Variants in UVRAG observed in about 807,000 individuals in gnomAD.
The protein encoded by UVRAG is UV radiation resistance-associated gene protein.
Under a neutral mutation model 78.0 loss-of-function variants are expected in UVRAG, and 19 were observed. The ratio of observed to expected loss-of-function variants is 0.24; its 90% CI spans 0.17 to 0.36. The LOEUF (loss-of-function observed/expected upper bound fraction) is 0.36. Ranked by LOEUF, UVRAG falls within the 10% of genes least tolerant of loss-of-function variation. The probability of loss-of-function intolerance (pLI) is 1.00; values close to 1 mark genes in which losing one functional copy is unlikely to be tolerated. For synonymous variants in UVRAG, 323 were observed against 324.6 expected, an observed-to-expected ratio of 1.00 and a Z score of 0.05; for missense variants, 740 against 853.8, an observed-to-expected ratio of 0.87 and a Z score of 1.66.
At chr11:75,936,050 C>G (rs1189936488) in intron 6 of UVRAG, among the ~76,000 whole-genome samples, 2 of 152,136 alleles carry the variant, frequency 1.3e-5, no homozygotes, top group Non-Finnish European at 2.9e-5. Flanking sequence ...TAATGTTTAT[C>G]AATTTTGGTT....
At chr11:76,094,337 T>C (rs1248342350) in intron 13 of UVRAG, among the ~76,000 whole-genome samples, 1 of 152,218 alleles carries the variant, frequency 6.6e-6, no homozygotes, top group African/African-American at 2.4e-5. Flanking sequence ...GTTGACTCTC[T>C]GCCAGGCTTT....
At chr11:76,111,993 A>AGGAGGAG (rs1157572781) in intron 13 of UVRAG, among the ~76,000 whole-genome samples, 1 of 151,922 alleles carries the variant, frequency 6.6e-6, no homozygotes, top group Non-Finnish European at 1.5e-5. Flanking sequence ...ATGAAGAAGG[A>AGGAGGAG]GGAGGAGGCA....
chr11:75,931,424 G>C (rs568948082), intron 6 of UVRAG, among the ~76,000 whole-genome samples: 1 of 152,246 alleles, frequency 6.6e-6, no homozygotes, highest in East Asian at 1.9e-4. Flanking sequence ...CCCCAAGGTA[G>C]TCATGGGAAA....
At position 76,065,720 on chromosome 11, in the gene UVRAG, T is replaced by C; in HGVS notation, c.1237T>C (p.Tyr413His). 1 of 1,613,896 alleles carries C rather than the reference T, an allele frequency of 6.2e-7. No homozygotes were observed. Among genetic ancestry groups the C allele is most frequent in the Non-Finnish European group, 8.5e-7 (1 of 1,179,924 alleles). Reference protein sequence around the residue: ...LTEKEREFPLYPKGGEKLQFD... With the variant: ...LTEKEREFPLHPKGGEKLQFD... ...TTTTACCTTTCTTAGGTTTCCACTG[T>C]ATCCAAAAGGAGGGGAGAAGTTGCA... Residue 413 changes from tyrosine (Y) to histidine (H), a missense_variant, in exon 13 of 15, where the codon TAT becomes CAT. Coordinates refer to ENST00000356136, the MANE Select transcript of UVRAG (RefSeq NM_003369.4).
At chr11:76,030,853 C>G (rs1950423638) in intron 12 of UVRAG, among the ~76,000 whole-genome samples, 1 of 152,088 alleles carries the variant, frequency 6.6e-6, no homozygotes, top group Non-Finnish European at 1.5e-5. Flanking sequence ...TATATAGTAT[C>G]ACAGAAATGA....
Position 76,141,526 on chromosome 11 carries a change from T to G in UVRAG, c.*113T>G. On this transcript the variant is annotated 3_prime_UTR_variant, in exon 15 of 15. Coordinates refer to ENST00000356136, the MANE Select transcript of UVRAG (RefSeq NM_003369.4). ...ACAAAATGAATATTAATGGAGGATATTCCTCGGAAAAACAGACTTTGGGAA... is the reference window on the plus strand; with the variant it reads ...ACAAAATGAATATTAATGGAGGATAGTCCTCGGAAAAACAGACTTTGGGAA... 9.2e-7 allele frequency: 1 copy of G among 1,088,158 alleles called. No individual in the cohort carries two copies. The highest frequency in any genetic ancestry group is 1.3e-6 in the Non-Finnish European group (1 of 775,378). 67.4% of individuals were successfully genotyped at this position (1,088,158 alleles called of 1,614,324 possible).
At chr11:75,815,857 C>T (rs73489913) in intron 1 of UVRAG, among the ~76,000 whole-genome samples, 3,443 of 152,258 alleles carry the variant, frequency 0.023, 142 homozygotes, top group African/African-American at 0.079. Context: ...GACCCTCTCC[C>T]TCGTTCCGCC....
chr11:76,021,416 T>C (rs1021206025), intron 12 of UVRAG, among the ~76,000 whole-genome samples: 2 of 152,212 alleles, frequency 1.3e-5, no homozygotes, highest in Non-Finnish European at 2.9e-5. Context: ...TTCTTCTTTT[T>C]CATAGTCATT....
intron 7 of UVRAG, chr11:75,979,668 C>G (rs1949345979): frequency 6.5e-6 from 1 of 152,800 alleles, no homozygotes; most frequent in African/African-American, 2.4e-5. Context: ...GCGTGGGACC[C>G]TCTGAGCCAG....
In UVRAG at chr11:75,880,046, T is replaced by A. The variant is rs772255785; in HGVS notation, c.432+6T>A. 2 of 1,613,694 alleles carry A rather than the reference T, an allele frequency of 1.2e-6. No homozygotes were observed. On this transcript the variant is annotated splice_donor_region_variant and intron_variant, in intron 4 of 14. Coordinates refer to ENST00000356136, the MANE Select transcript of UVRAG (RefSeq NM_003369.4). ...TGAAATACTTGGGTCAGCAGGTAAT[T>A]TTTAGACTGTAGTTTCAAGTAGTTG...
intron 13 of UVRAG, among the ~76,000 whole-genome samples, chr11:76,076,802 G>GTATTTATTTATT (rs140240744): frequency 0.084 from 12,416 of 147,554 alleles, 891 homozygotes; most frequent in East Asian, 0.19. Context: ...AAATTAGGTT[G>GTATTTATTTATT]TATTTATTTA....
intron 1 of UVRAG, among the ~76,000 whole-genome samples, chr11:75,836,115 A>G (rs1022838535): frequency 6.6e-6 from 1 of 151,888 alleles, no homozygotes; most frequent in Non-Finnish European, 1.5e-5. Context: ...AAAACAAAAA[A>G]ACCCACCTTC....
intron 14 of UVRAG, among the ~76,000 whole-genome samples, chr11:76,126,507 GCA>G (rs1952397951): frequency 6.6e-6 from 1 of 152,212 alleles, no homozygotes; most frequent in Non-Finnish European, 1.5e-5. Flanking sequence ...ATGGTGGACA[GCA>G]CAGTCCTTAC....
chr11:76,077,778 C>G (rs1951429898), intron 13 of UVRAG, among the ~76,000 whole-genome samples: 1 of 152,162 alleles, frequency 6.6e-6, no homozygotes, highest in Non-Finnish European at 1.5e-5. Context: ...TTCCTTTTGT[C>G]AGACAGGAAG....
intron 3 of UVRAG, among the ~76,000 whole-genome samples, chr11:75,873,395 AT>A (rs1259715101): frequency 6.6e-6 from 1 of 151,778 alleles, no homozygotes; most frequent in Non-Finnish European, 1.5e-5. Context: ...AGGTTACTGT[AT>A]TATCTACTTG....
At chr11:76,006,000 T>C (rs1473048532) in intron 9 of UVRAG, among the ~76,000 whole-genome samples, 1 of 131,610 alleles carries the variant, frequency 7.6e-6, no homozygotes, top group Non-Finnish European at 1.5e-5. Flanking sequence ...TCTCCAGCCC[T>C]CTTCTCAGAG....
At chr11:76,082,539 CAA>C (rs5792708) in intron 13 of UVRAG, among the ~76,000 whole-genome samples, 7 of 101,686 alleles carry the variant, frequency 6.9e-5, no homozygotes, top group South Asian at 7.2e-4. Context: ...GACTCCGTCC[CAA>C]AAAAAAAAAA....
At position 75,852,134 on chromosome 11, in the gene UVRAG, C is replaced by T. The variant is rs534149081; in HGVS notation, c.235+134C>T. 9.2e-4 allele frequency: 549 copies of T among 597,184 alleles called. 6 individuals are homozygous for T. In the Middle Eastern group the frequency reaches 9.5e-3, roughly 10 times the overall value. 37.0% of individuals were successfully genotyped at this position (597,184 alleles called of 1,614,324 possible). ...ATTGTTATGCTGTCTGAAAATATCT[C>T]ATGAGCAGTTGGGATGTATACTAAA... On this transcript the variant is annotated intron_variant, in intron 2 of 14. Coordinates refer to ENST00000356136, the MANE Select transcript of UVRAG (RefSeq NM_003369.4).
At chr11:75,883,554 T>C (rs765575256) in intron 4 of UVRAG, among the ~76,000 whole-genome samples, 18 of 152,184 alleles carry the variant, frequency 1.2e-4, no homozygotes, top group Non-Finnish European at 1.2e-4. Flanking sequence ...TAAGATGTTT[T>C]AGGATAATAG....
Sources: gnomAD v4.1 joint callset for allele counts (sites outside exome capture counted in the v4.1 genomes callset) on GRCh38, gnomAD v4.1.1 for gene constraint, MANE v1.5 for transcripts, NCBI Gene and HGNC (gene_info 2026-07-23, HGNC 2026-07-21) for gene names.